The following FAM222B variants were observed in gnomAD, a reference collection of about 807,000 sequenced individuals.
FAM222B encodes the protein protein FAM222B.
FAM222B carries 12 observed loss-of-function variants against 38.0 expected under a neutral mutation model. That is an observed-to-expected ratio of 0.32 (90% CI 0.20 to 0.51). FAM222B has a LOEUF of 0.51. FAM222B is among the 20% of genes least tolerant of loss of function. The pLI is 0.97. For synonymous variants in FAM222B, 329 were observed against 317.2 expected (o/e 1.04, Z -0.40); for missense variants, 716 against 754.2 (o/e 0.95, Z 0.59).
intron 1 of FAM222B, among the ~76,000 whole-genome samples, chr17:28,810,517 CTAGCTAACTCTG>C (rs2037711619): frequency 6.6e-6 from 1 of 150,864 alleles, no homozygotes. Flanking sequence ...GTTTTATATA[CTAGCTAACTCTG>C]TTTTATATAC....
intron 1 of FAM222B, among the ~76,000 whole-genome samples, chr17:28,778,679 T>TG (rs1555573104): frequency 8.2e-4 from 90 of 110,206 alleles, no homozygotes; most frequent in South Asian, 1.3e-3. Flanking sequence ...AATTTTTTTT[T>TG]TGTGTGTGTG....
chr17:28,812,240 C>T (rs1482224673), intron 1 of FAM222B: 1 of 152,338 alleles, frequency 6.6e-6, no homozygotes, highest in Non-Finnish European at 1.5e-5. Context: ...GTTCGCTCCG[C>T]AGCGCTCCGT....
At chr17:28,778,057 T>A (rs1482467588) in intron 1 of FAM222B, among the ~76,000 whole-genome samples, 3 of 151,572 alleles carry the variant, frequency 2.0e-5, no homozygotes, top group African/African-American at 7.3e-5. Context: ...TGCACTGTAT[T>A]GAAAAGTATT....
At chr17:28,841,333 C>T (rs1418293964) in intron 1 of FAM222B, among the ~76,000 whole-genome samples, 1 of 152,164 alleles carries the variant, frequency 6.6e-6, no homozygotes, top group East Asian at 1.9e-4. Flanking sequence ...TATATTTTCA[C>T]ATCCCTCACT....
intron 1 of FAM222B, among the ~76,000 whole-genome samples, chr17:28,831,598 C>T (rs2038671831): frequency 6.7e-6 from 1 of 148,644 alleles, no homozygotes; most frequent in Non-Finnish European, 1.5e-5. Flanking sequence ...CCTCCGCCTT[C>T]TGGGCTCAAG....
chr17:28,830,462 T>C (rs2038627819), intron 1 of FAM222B, among the ~76,000 whole-genome samples: 1 of 152,036 alleles, frequency 6.6e-6, no homozygotes, highest in African/African-American at 2.4e-5. Context: ...ACCCGGCCTA[T>C]ACATTCTTAA....
chr17:28,776,072 T>A, intron 1 of FAM222B, among the ~76,000 whole-genome samples: 1 of 132,782 alleles, frequency 7.5e-6, no homozygotes. Flanking sequence ...TGAGACTTTG[T>A]CTCAAAAAAA....
At chr17:28,832,650 A>G (rs1187310103) in intron 1 of FAM222B, among the ~76,000 whole-genome samples, 1 of 152,186 alleles carries the variant, frequency 6.6e-6, no homozygotes, top group Non-Finnish European at 1.5e-5. Flanking sequence ...TCTATAATTG[A>G]GAGTTAACTT....
At chr17:28,832,016 C>A (rs780958405) in intron 1 of FAM222B, among the ~76,000 whole-genome samples, 21 of 151,918 alleles carry the variant, frequency 1.4e-4, no homozygotes, top group Non-Finnish European at 2.6e-4. Context: ...GGTGAAACCC[C>A]GTCTCAACTA....
intron 1 of FAM222B, among the ~76,000 whole-genome samples, chr17:28,769,782 C>G (rs2035534081): frequency 6.6e-6 from 1 of 152,190 alleles, no homozygotes; most frequent in Non-Finnish European, 1.5e-5. Flanking sequence ...CATGGTCTCA[C>G]CATGGTTTCC....
intron 1 of FAM222B, among the ~76,000 whole-genome samples, chr17:28,804,058 G>T (rs1409031806): frequency 6.6e-6 from 1 of 152,104 alleles, no homozygotes; most frequent in East Asian, 1.9e-4. Flanking sequence ...TGACTTACTT[G>T]AAAGATTTTA....
intron 1 of FAM222B, among the ~76,000 whole-genome samples, chr17:28,805,667 A>G (rs1489539197): frequency 6.6e-6 from 1 of 152,124 alleles, no homozygotes; most frequent in Non-Finnish European, 1.5e-5. Context: ...AAAAAGAAAG[A>G]AAGAGAAACA....
chr17:28,854,908 C>G (rs923855565), intron 1 of FAM222B: 24 of 1,030,878 alleles, frequency 2.3e-5, no homozygotes, highest in Non-Finnish European at 3.2e-5. Context: ...CTCCTCCCGC[C>G]CACATCCCAT....
intron 1 of FAM222B, among the ~76,000 whole-genome samples, chr17:28,816,848 C>A (rs2038045368): frequency 6.6e-6 from 1 of 151,926 alleles, no homozygotes; most frequent in Non-Finnish European, 1.5e-5. Flanking sequence ...TAAGGGAATT[C>A]CTGGCACTAT....
Position 28,832,497 on chromosome 17 carries a change from C to T in FAM222B, c.-41+10185G>A, listed in dbSNP as rs191394210. 1.9e-3 allele frequency among the ~76,000 whole-genome samples: 293 copies of T among 152,306 alleles called. 1 individual carries two copies. The highest frequency in any genetic ancestry group is 6.8e-3 in the African/African-American group (282 of 41,564). On this transcript the variant is annotated intron_variant, in intron 1 of 2. Coordinates refer to ENST00000581407, the MANE Select transcript of FAM222B (RefSeq NM_001077498.3). ...TCTGCTGCCAATGATCTTCCTCTGA[C>T]TCTTCACCTAAATCGTACACATCCT...
Position 28,759,008 on chromosome 17 carries a change from T to A in FAM222B, c.951A>T (p.Thr317=), listed in dbSNP as rs748197585. ...STRVSTHSVP[T]PMPSCVVNPM... ...GATTGACCACACATGAAGGCATTGG[T>A]GTGGGGACGCTGTGGGTCGACACCC... is the stretch of plus-strand genomic sequence containing the variant. The change falls in exon 3 of 3, where the codon ACA becomes ACT. Residue 317 remains threonine, a synonymous_variant. Coordinates refer to ENST00000581407, the MANE Select transcript of FAM222B (RefSeq NM_001077498.3). This position sits in a 1 kb window ranked among gnomAD's most constrained non-coding sequence, Gnocchi z 4.8. The A allele has an allele frequency of 5.0e-6, 8 of 1,612,870 alleles. No individual in the cohort carries two copies. The East Asian group carries it at 1.8e-4, about 36-fold the overall frequency.
chr17:28,788,255 T>C (rs982147710), intron 1 of FAM222B, among the ~76,000 whole-genome samples: 2 of 152,188 alleles, frequency 1.3e-5, no homozygotes, highest in African/African-American at 4.8e-5. Context: ...TTGTTTGTTT[T>C]TGACACAAGG....
intron 1 of FAM222B, among the ~76,000 whole-genome samples, chr17:28,825,775 T>C: frequency 6.6e-6 from 1 of 152,152 alleles, no homozygotes; most frequent in East Asian, 1.9e-4. Flanking sequence ...CTGATTTTTA[T>C]TTATTTTGTT....
Position 28,823,114 on chromosome 17 carries a change from T to G in FAM222B, c.-41+19568A>C, listed in dbSNP as rs555251684. Among the ~76,000 whole-genome samples the G allele has an allele frequency of 1.1e-4, 16 of 151,108 alleles. No homozygotes were observed. The South Asian group carries it at 2.7e-3, about 26-fold the overall frequency. On this transcript the variant is annotated intron_variant, in intron 1 of 2. Coordinates refer to ENST00000581407, the MANE Select transcript of FAM222B (RefSeq NM_001077498.3). ...CAAACAGGTAAGTACTTAGTTACAA[T>G]GACACAGGAAGTTTTCAAGGAAACT...
Sources: gnomAD v4.1 joint callset for allele counts (sites outside exome capture counted in the v4.1 genomes callset) on GRCh38, gnomAD v4.1.1 for gene constraint, Gnocchi (gnomAD v3.1) non-coding constraint, MANE v1.5 for transcripts, NCBI Gene and HGNC (gene_info 2026-07-23, HGNC 2026-07-21) for gene names.